CABP5: variants seen among roughly 807,000 people sequenced by gnomAD.
CABP5 encodes the protein calcium-binding protein 5.
Under a neutral mutation model 21.9 loss-of-function variants are expected in CABP5, and 17 were observed. The observed-to-expected ratio is 0.78, with a 90% CI of 0.53 to 1.17. The LOEUF (loss-of-function observed/expected upper bound fraction) is 1.17. Among genes scored for constraint, CABP5 ranks in the 50% most tolerant of loss-of-function variants. The pLI, the probability that CABP5 is intolerant of heterozygous loss-of-function variation, is 0.00. For synonymous variants in CABP5, 85 were observed against 79.4 expected, an observed-to-expected ratio of 1.07 and a Z score of -0.37; for missense variants, 229 against 228.9, an observed-to-expected ratio of 1.00 and a Z score of 0.00.
At chr19:48,041,021 A>C (rs1600128139) in intron 2 of CABP5, among the ~76,000 whole-genome samples, 1 of 2,936 alleles carries the variant, frequency 3.4e-4, no homozygotes, top group East Asian at 0.029. Flanking sequence ...TACTAAATAC[A>C]AAAAAATTAG....
chr19:48,041,570 T>G lies in CABP5; in HGVS notation c.94+3A>C. On this transcript the variant is annotated splice_donor_region_variant and intron_variant, in intron 2 of 5. Transcript: ENST00000293255. ...TGGAAGCAACTGGGGAAGACGGTGTTACCTTCAATCTCATCTTGTCCCAGT... is the reference window on the plus strand; with the variant it reads ...TGGAAGCAACTGGGGAAGACGGTGTGACCTTCAATCTCATCTTGTCCCAGT... 1 of 1,612,126 alleles carries G rather than the reference T, an allele frequency of 6.2e-7. No homozygotes were observed. The highest frequency in any genetic ancestry group is 8.5e-7 in the Non-Finnish European group (1 of 1,179,392).
intron 4 of CABP5, among the ~76,000 whole-genome samples, chr19:48,036,989 G>T (rs1398342658): frequency 1.3e-5 from 2 of 152,184 alleles, no homozygotes; most frequent in Non-Finnish European, 2.9e-5. Flanking sequence ...GTACACTTTT[G>T]CTGGGTATGG....
At chr19:48,031,667 G>A (rs1260726981) in intron 5 of CABP5, among the ~76,000 whole-genome samples, 6 of 152,118 alleles carry the variant, frequency 3.9e-5, no homozygotes, top group Non-Finnish European at 8.8e-5. Context: ...CATACCTGAG[G>A]CCACGTGGAT....
rs548141842 is a variant in CABP5 at position 48,042,289 on chromosome 19, T to C, written c.64-686A>G. ...CCAATCTTCCTGCCAAAGGTTAGAA[T>C]CTCTGTGCATGGAAACAGCATTCAA... On this transcript the variant is annotated intron_variant, in intron 1 of 5. Coordinates refer to ENST00000293255, the MANE Select transcript of CABP5 (RefSeq NM_019855.5). 3.9e-5 allele frequency among the ~76,000 whole-genome samples: 6 copies of C among 152,250 alleles called. No homozygotes were observed. In the South Asian group the frequency reaches 1.2e-3, roughly 32 times the overall value.
At chr19:48,036,381 T>A (rs1232691682) in intron 4 of CABP5, among the ~76,000 whole-genome samples, 1 of 152,138 alleles carries the variant, frequency 6.6e-6, no homozygotes, top group Non-Finnish European at 1.5e-5. Context: ...CCTTCTTTTG[T>A]AAGGCTGAAT....
At chr19:48,035,348 A>G (rs1370011465) in intron 4 of CABP5, among the ~76,000 whole-genome samples, 1 of 152,244 alleles carries the variant, frequency 6.6e-6, no homozygotes, top group African/African-American at 2.4e-5. Context: ...CTGTAATCCC[A>G]GCACTTTGGG....
At chr19:48,037,516 C>T (rs1967427153) in intron 4 of CABP5, among the ~76,000 whole-genome samples, 1 of 151,954 alleles carries the variant, frequency 6.6e-6, no homozygotes, top group African/African-American at 2.4e-5. Flanking sequence ...GATCCACCCA[C>T]CTCAGCCTCC....
rs1050137317 is a variant in CABP5 at position 48,029,588 on chromosome 19, C to A, written c.*969G>T. On this transcript the variant is annotated 3_prime_UTR_variant, in exon 6 of 6. Coordinates refer to ENST00000293255, the MANE Select transcript of CABP5 (RefSeq NM_019855.5). Reference sequence around the variant, plus strand: ...AGACCAGCGCGGAGGTAGGAGGCTTCTAGGAAAGACTTTGCAACAACCTGG... The same window carrying A: ...AGACCAGCGCGGAGGTAGGAGGCTTATAGGAAAGACTTTGCAACAACCTGG... 3.9e-5 allele frequency among the ~76,000 whole-genome samples: 6 copies of A among 152,044 alleles called. No homozygotes were observed. Among genetic ancestry groups the A allele is most frequent in the African/African-American group, 1.4e-4 (6 of 41,412 alleles).
At position 48,042,580 on chromosome 19, in the gene CABP5, C is replaced by CTT. The variant is rs71181635; in HGVS notation, c.64-979_64-978dup. Among the ~76,000 whole-genome samples, 401 of 128,480 alleles carry CTT rather than the reference C, an allele frequency of 3.1e-3. 4 individuals are homozygous for CTT. Among genetic ancestry groups the CTT allele is most frequent in the African/African-American group, 9.5e-3 (359 of 37,858 alleles). The allele number at this position is 128,480 out of a possible 152,430, so 84.3% of individuals were successfully genotyped here. On this transcript the variant is annotated intron_variant, in intron 1 of 5. Transcript: ENST00000293255. ...TCACCCTTTTTTTCATTCTCTCTCT[C>CTT]TTTTTTTTTTTTGAGACACAGTCTC...
chr19:48,035,913 G>A (rs1236161926), intron 4 of CABP5, among the ~76,000 whole-genome samples: 1 of 152,204 alleles, frequency 6.6e-6, no homozygotes, highest in Non-Finnish European at 1.5e-5. Context: ...GGAGTGACCA[G>A]ATCTGATATA....
At chr19:48,032,492 G>A (rs1967351874) in intron 5 of CABP5, among the ~76,000 whole-genome samples, 1 of 151,580 alleles carries the variant, frequency 6.6e-6, no homozygotes, top group Non-Finnish European at 1.5e-5. Flanking sequence ...ACCACCCCTG[G>A]CTAACTTTTT....
intron 4 of CABP5, among the ~76,000 whole-genome samples, chr19:48,035,880 G>A (rs754990909): frequency 1.1e-4 from 16 of 152,226 alleles, no homozygotes; most frequent in Non-Finnish European, 1.9e-4. Flanking sequence ...AAGACAAGAA[G>A]CCACTGGAGA....
At chr19:48,033,764 C>G (rs773762436) in intron 5 of CABP5, among the ~76,000 whole-genome samples, 51 of 152,274 alleles carry the variant, frequency 3.3e-4, no homozygotes, top group Non-Finnish European at 6.2e-4. Context: ...GATGGGAAAA[C>G]TGACCCTTAA....
chr19:48,040,331 T>C (rs139738959), intron 3 of CABP5, among the ~76,000 whole-genome samples: 1,634 of 152,304 alleles, frequency 0.011, 30 homozygotes, highest in African/African-American at 0.034. Flanking sequence ...GATGAGGAAA[T>C]GGAAACTGAA....
chr19:48,042,479 C>A (rs933350602), intron 1 of CABP5, among the ~76,000 whole-genome samples: 1 of 152,136 alleles, frequency 6.6e-6, no homozygotes, highest in African/African-American at 2.4e-5. Context: ...GTCTCTTTAG[C>A]CTTCCCATCT....
chr19:48,042,991 C>G (rs1303160331), intron 1 of CABP5, among the ~76,000 whole-genome samples: 6 of 152,068 alleles, frequency 3.9e-5, no homozygotes, highest in Admixed American at 3.9e-4. Context: ...CCACAGGAAT[C>G]AAGCAAACCC....
intron 5 of CABP5, among the ~76,000 whole-genome samples, 197 bp downstream of exon 5, chr19:48,034,018 C>T (rs3745749): frequency 2.0e-5 from 3 of 151,824 alleles, no homozygotes; most frequent in Non-Finnish European, 4.4e-5. Flanking sequence ...CAGAAGTGAG[C>T]GACACCCAGC....
intron 5 of CABP5, 70 bp from the exon 6 acceptor site, chr19:48,030,652 C>T (rs1967329418): frequency 6.6e-7 from 1 of 1,504,700 alleles, no homozygotes; most frequent in Non-Finnish European, 9.2e-7. Context: ...TTTTTTGAGC[C>T]CTTCCTATGT....
chr19:48,037,019 G>A (rs1004756584), intron 4 of CABP5, among the ~76,000 whole-genome samples: 2 of 152,136 alleles, frequency 1.3e-5, no homozygotes, highest in Non-Finnish European at 2.9e-5. Context: ...CAGCTATTAT[G>A]GAAAATGGTA....
Sources: gnomAD v4.1 joint callset for allele counts (sites outside exome capture counted in the v4.1 genomes callset) on GRCh38, gnomAD v4.1.1 for gene constraint, MANE v1.5 for transcripts, NCBI Gene and HGNC (gene_info 2026-07-23, HGNC 2026-07-21) for gene names.